Variants in ZZEF1 observed in about 807,000 individuals in gnomAD.
ZZEF1 encodes the protein zinc finger ZZ-type and EF-hand domain containing 1, also known as zinc finger ZZ-type and EF-hand domain-containing protein 1.
ZZEF1 carries 157 observed loss-of-function variants against 342.8 expected under a neutral mutation model. The ratio of observed to expected loss-of-function variants is 0.46; its 90% confidence interval spans 0.40 to 0.52. The LOEUF (loss-of-function observed/expected upper bound fraction) is 0.52. ZZEF1 is among the 20% of genes least tolerant of loss of function. The pLI, the probability that ZZEF1 is intolerant of heterozygous loss-of-function variation, is 0.00. For missense variants in ZZEF1, 3,480 were observed against 3,725.6 expected (o/e 0.93, Z 1.72); for synonymous variants, 1,505 against 1,429.1 (o/e 1.05, Z -1.20).
intron 9 of ZZEF1, among the ~76,000 whole-genome samples, chr17:4,098,412 AAATGAATG>A (rs1053447248): frequency 6.6e-6 from 1 of 151,874 alleles, no homozygotes; most frequent in Non-Finnish European, 1.5e-5. Context: ...ACCCTGTCTC[AAATGAATG>A]AATGAATGAA....
At chr17:4,132,506 G>A (rs1370639570) in intron 1 of ZZEF1, among the ~76,000 whole-genome samples, 1 of 152,066 alleles carries the variant, frequency 6.6e-6, no homozygotes, top group Non-Finnish European at 1.5e-5. Flanking sequence ...AGACCATCCT[G>A]GCTAACACGG....
chr17:4,085,884 CA>C lies in ZZEF1; in HGVS notation c.2513-82del, dbSNP rs1331676696. 2.9e-5 allele frequency: 44 copies of C among 1,537,832 alleles called. No individual in the cohort carries two copies. The Admixed American group carries it at 7.8e-4, about 27-fold the overall frequency. On this transcript the variant is annotated intron_variant, in intron 15 of 54. Transcript: ENST00000381638. The stretch of plus-strand genomic sequence containing the variant: ...ATCTGCTATAACTAGCCTATAAATT[CA>C]CTACTCTCCATTTTGTACTTAATAC...
At chr17:4,090,698 A>C (rs1195968490) in intron 12 of ZZEF1, 21 bp downstream of exon 12, 1 of 1,596,024 alleles carries the variant, frequency 6.3e-7, no homozygotes, top group South Asian at 1.1e-5. Context: ...GGGAGTGGGC[A>C]AACGACGCAC....
At chr17:4,098,949 C>T (rs1301210378) in intron 9 of ZZEF1, among the ~76,000 whole-genome samples, 1 of 152,162 alleles carries the variant, frequency 6.6e-6, no homozygotes, top group Non-Finnish European at 1.5e-5. Flanking sequence ...TCCCAGAGCC[C>T]TGGATGTCTC....
intron 18 of ZZEF1, among the ~76,000 whole-genome samples, chr17:4,079,152 T>C (rs952400989): frequency 6.6e-6 from 1 of 152,190 alleles, no homozygotes; most frequent in African/African-American, 2.4e-5. Flanking sequence ...TGGCCTATCT[T>C]ATCTAGCAGA....
Position 4,022,693 on chromosome 17 carries a change from C to T in ZZEF1, c.7212+16G>A. The T allele has an allele frequency of 6.2e-7, 1 of 1,613,520 alleles. No homozygotes were observed. The highest frequency in any genetic ancestry group is 8.5e-7 in the Non-Finnish European group (1 of 1,179,936). On this transcript the variant is annotated intron_variant, in intron 44 of 54. Coordinates refer to ENST00000381638, the MANE Select transcript of ZZEF1 (RefSeq NM_015113.4). Reference sequence around the variant, plus strand: ...TGCACCAGGAAAGAGGAGCAGGAGTCCCTCTCGTCTCTTACTTCCAGGTCC... The same window carrying T: ...TGCACCAGGAAAGAGGAGCAGGAGTTCCTCTCGTCTCTTACTTCCAGGTCC...
In ZZEF1 at chr17:4,075,435, A is replaced by G. The variant is rs1285293956; in HGVS notation, c.3235-6T>C. On this transcript the variant is annotated splice_region_variant and splice_polypyrimidine_tract_variant and intron_variant, in intron 21 of 54. Transcript: ENST00000381638. The stretch of plus-strand genomic sequence containing the variant: ...TGCCAGGTCTCAACATCCAGCTATG[A>G]TAACAAATGAGCCAGGGGAAAGAAA... 4 of 1,612,956 alleles carry G rather than the reference A, an allele frequency of 2.5e-6. No individual in the cohort carries two copies. The highest frequency in any genetic ancestry group is 4.5e-5 in the East Asian group (2 of 44,866).
intron 32 of ZZEF1, chr17:4,056,970 G>A (rs976484647): frequency 3.3e-5 from 5 of 152,190 alleles, no homozygotes; most frequent in African/African-American, 9.6e-5. Context: ...TTTACAGCTC[G>A]TTTTAACAAA....
chr17:4,022,539 G>A, intron 44 of ZZEF1, 170 bp downstream of exon 44: 1 of 826,896 alleles, frequency 1.2e-6, no homozygotes, highest in Non-Finnish European at 1.9e-6. Flanking sequence ...GGGTAGACAG[G>A]TGTCATAATC....
At chr17:4,125,657 A>T (rs771045177) in intron 1 of ZZEF1, among the ~76,000 whole-genome samples, 1 of 152,224 alleles carries the variant, frequency 6.6e-6, no homozygotes, top group East Asian at 1.9e-4. Flanking sequence ...CTCTGACTAG[A>T]CCCAATCAAG....
intron 9 of ZZEF1, 65 bp downstream of exon 9, chr17:4,102,252 T>C (rs2058139063): frequency 7.1e-7 from 1 of 1,405,540 alleles, no homozygotes; most frequent in South Asian, 1.2e-5. Flanking sequence ...AAGTCTGGAG[T>C]GTGCTTTCAC....
intron 34 of ZZEF1, 76 bp from the exon 35 acceptor site, chr17:4,052,212 C>T: frequency 7.0e-7 from 1 of 1,422,646 alleles, no homozygotes; most frequent in South Asian, 1.4e-5. Context: ...CCCAAACCAA[C>T]CCCAGCACCA....
chr17:4,138,493 G>A (rs2058790667), intron 1 of ZZEF1, among the ~76,000 whole-genome samples: 1 of 152,292 alleles, frequency 6.6e-6, no homozygotes, highest in Non-Finnish European at 1.5e-5. Flanking sequence ...TATAAAATAT[G>A]AGGTTTGAGT....
intron 42 of ZZEF1, among the ~76,000 whole-genome samples, chr17:4,031,879 T>A (rs2056556061): frequency 6.6e-6 from 1 of 152,094 alleles, no homozygotes; most frequent in Non-Finnish European, 1.5e-5. Context: ...TCAGAACCTA[T>A]ATATCTAGCC....
rs144310233 is a variant in ZZEF1, at chr17:4,117,118, G to C, written c.548C>G (p.Ser183Trp). The change falls in exon 3 of 55, where the codon TCG (serine) becomes TGG (tryptophan). Residue 183 changes from serine to tryptophan, a missense_variant. Around this residue, in one of 5 missense-constraint regions of ZZEF1, gnomAD observed 416 missense variants for 374.2 expected, o/e 1.11. Coordinates refer to ENST00000381638, the MANE Select transcript of ZZEF1 (RefSeq NM_015113.4). ...GTGCAGGAAGCGCAGTATCATTGAC[G>C]AGTGAATATCAAGGCCCTCCTTCGA... ...SESKEGLDIH[S>W]SMILRFLHRN... is the part of the protein sequence containing the mutation. The C allele has an allele frequency of 3.7e-6, 6 of 1,613,892 alleles. No homozygotes were observed. The South Asian group carries it at 5.5e-5, about 15-fold the overall frequency.
In ZZEF1 at chr17:4,087,284, G is replaced by A. The variant is rs2057850304; in HGVS notation, c.2342+150C>T. 4 of 596,850 alleles carry A rather than the reference G, an allele frequency of 6.7e-6. No homozygotes were observed. In the Admixed American group the frequency reaches 1.4e-4, roughly 21 times the overall value. The allele number at this position is 596,850 out of a possible 1,614,324, so 37.0% of individuals were successfully genotyped here. A position where few individuals can be genotyped will look rare whatever the true frequency, so the allele number is the denominator to read the frequency against. ...TAAATATTTTATAGAAATCTGAGGT[G>A]TTATTTTCAATAATAACCATATATT... is the stretch of plus-strand genomic sequence containing the variant. On this transcript the variant is annotated intron_variant, in intron 14 of 54. Coordinates refer to ENST00000381638, the MANE Select transcript of ZZEF1 (RefSeq NM_015113.4).
chr17:4,026,117 C>T (rs984702359), intron 42 of ZZEF1, among the ~76,000 whole-genome samples: 1 of 152,168 alleles, frequency 6.6e-6, no homozygotes, highest in African/African-American at 2.4e-5. Flanking sequence ...TGCATACTGA[C>T]CTGCACATTT....
intron 1 of ZZEF1, among the ~76,000 whole-genome samples, chr17:4,133,692 G>A (rs1196311441): frequency 6.6e-6 from 1 of 151,742 alleles, no homozygotes; most frequent in Non-Finnish European, 1.5e-5. Flanking sequence ...ATATAACCAA[G>A]GCTATAAAAA....
At position 4,086,614 on chromosome 17, in the gene ZZEF1, T is replaced by C. The variant is rs1249646270; in HGVS notation, c.2384A>G (p.Gln795Arg). ...CACAGAGAAGCAGCTCTGGAGTAGC[T>C]GCAGAAGCAGGGTTTGGGCAGAGAC... ...ECVSAQTLLL[Q>R]LLQSCFSVLQ... is the part of the protein sequence containing the mutation. The change falls in exon 15 of 55, where the codon CAG (glutamine) becomes CGG (arginine). Residue 795 changes from glutamine to arginine, a missense_variant. Physicochemically the swap from Gln to Arg is conservative, Grantham distance 43 (BLOSUM62 1). Coordinates refer to ENST00000381638, the MANE Select transcript of ZZEF1 (RefSeq NM_015113.4). The C allele has an allele frequency of 6.2e-7, 1 of 1,614,152 alleles. No homozygotes were observed. Among genetic ancestry groups the C allele is most frequent in the South Asian group, 1.1e-5 (1 of 91,084 alleles).
Sources: allele counts gnomAD v4.1 joint callset (sites outside exome capture counted in the v4.1 genomes callset), GRCh38; gene constraint gnomAD v4.1.1; regional missense constraint gnomAD v4.1.1; transcripts MANE v1.5; gene names NCBI Gene and HGNC (gene_info 2026-07-23, HGNC 2026-07-21).